TMEM156: variants seen among roughly 807,000 people sequenced by gnomAD.
TMEM156 encodes the protein transmembrane protein 156.
TMEM156 carries 28 observed loss-of-function variants against 30.5 expected under a neutral mutation model. The ratio of observed to expected loss-of-function variants is 0.92; its 90% CI spans 0.68 to 1.26. TMEM156 has a LOEUF of 1.26. Among genes scored for constraint, TMEM156 ranks in the 50% most tolerant of loss-of-function variants. The pLI is 0.00. For missense variants in TMEM156, 351 were observed against 340.6 expected (o/e 1.03, Z -0.24); for synonymous variants, 137 against 119.9 (o/e 1.14, Z -0.93).
At chr4:39,023,545 T>A (rs1715003701) in intron 1 of TMEM156, among the ~76,000 whole-genome samples, 1 of 152,086 alleles carries the variant, frequency 6.6e-6, no homozygotes, top group African/African-American at 2.4e-5. Context: ...ACATGCTAAG[T>A]AAAGAACCCA....
At chr4:39,026,350 T>TA (rs1457992723) in intron 1 of TMEM156, among the ~76,000 whole-genome samples, 1 of 114,538 alleles carries the variant, frequency 8.7e-6, no homozygotes, top group Non-Finnish European at 1.8e-5. Context: ...CCTGTCTCTC[T>TA]TAAAAAATTT....
At chr4:39,019,500 A>G (rs1714720546) in intron 1 of TMEM156, among the ~76,000 whole-genome samples, 1 of 151,154 alleles carries the variant, frequency 6.6e-6, no homozygotes, top group African/African-American at 2.4e-5. Context: ...ATCTCCCCAC[A>G]TATTTGTTTT....
intron 1 of TMEM156, among the ~76,000 whole-genome samples, chr4:39,000,268 T>C (rs1427063659): frequency 6.6e-6 from 1 of 152,120 alleles, no homozygotes; most frequent in African/African-American, 2.4e-5. Context: ...GGTGCACTCC[T>C]GTAGTCCTTA....
At chr4:38,985,284 A>T (rs1313123941) in intron 5 of TMEM156, among the ~76,000 whole-genome samples, 1 of 152,228 alleles carries the variant, frequency 6.6e-6, no homozygotes, top group Non-Finnish European at 1.5e-5. Context: ...CTTACCCCAC[A>T]TTTAACTGGT....
rs752923529 is a variant in TMEM156, at chr4:38,988,840, A to G, written c.739+11T>C. 3.7e-6 allele frequency: 6 copies of G among 1,613,960 alleles called. No homozygotes were observed. In the South Asian group the frequency reaches 6.6e-5, roughly 18 times the overall value. ...TCAGGAGTTCCTCGGCACTACAGGG[A>G]TTATACTTACTCTGCCACTTTTGCA... On this transcript the variant is annotated intron_variant, in intron 4 of 6. Coordinates refer to ENST00000381938, the MANE Select transcript of TMEM156 (RefSeq NM_024943.3).
Position 39,001,543 on chromosome 4 carries a change from T to TC in TMEM156, c.89-2635_89-2634insG, listed in dbSNP as rs1293688758. On this transcript the variant is annotated intron_variant, in intron 1 of 6. Coordinates refer to ENST00000381938, the MANE Select transcript of TMEM156 (RefSeq NM_024943.3). ...GCACAATGAAAGAATTACTTCTTCTTTTTTTTTTTTAATAATTACCCCTAC... is the reference window on the plus strand; with the variant it reads ...GCACAATGAAAGAATTACTTCTTCTTCTTTTTTTTTTAATAATTACCCCTAC... Among the ~76,000 whole-genome samples, 531 of 148,622 alleles carry TC rather than the reference T, an allele frequency of 3.6e-3. 5 individuals are homozygous for TC. The highest frequency in any genetic ancestry group is 0.013 in the African/African-American group (511 of 40,506).
At chr4:38,987,816 T>C (rs976132253) in intron 4 of TMEM156, among the ~76,000 whole-genome samples, 2 of 152,212 alleles carry the variant, frequency 1.3e-5, no homozygotes, top group African/African-American at 2.4e-5. Context: ...AGCTAGTAAG[T>C]GGTAGTACTA....
intron 2 of TMEM156, among the ~76,000 whole-genome samples, chr4:38,995,161 A>G (rs1381088129): frequency 6.6e-6 from 1 of 152,006 alleles, no homozygotes; most frequent in Non-Finnish European, 1.5e-5. Context: ...TCTGTGTCCA[A>G]ACTTCTCCTT....
chr4:38,989,007 A>T, intron 3 of TMEM156, 37 bp from the exon 4 acceptor site: 2 of 1,592,894 alleles, frequency 1.3e-6, no homozygotes, highest in South Asian at 2.2e-5. Flanking sequence ...ACCCAGTAAA[A>T]TTATTCAACA....
intron 1 of TMEM156, among the ~76,000 whole-genome samples, chr4:39,013,383 T>G (rs1714258862): frequency 1.1e-5 from 1 of 90,222 alleles, no homozygotes; most frequent in South Asian, 3.0e-4. Flanking sequence ...GTTTATTTAT[T>G]TATTTATTTA....
intron 2 of TMEM156, 150 bp from the exon 3 acceptor site, chr4:38,994,148 A>C: frequency 1.4e-6 from 1 of 731,812 alleles, no homozygotes; most frequent in Non-Finnish European, 2.2e-6. Flanking sequence ...TTTTTGAGAC[A>C]GGGTCTCACT....
chr4:39,012,743 C>T (rs1034788615), intron 1 of TMEM156, among the ~76,000 whole-genome samples: 1 of 152,028 alleles, frequency 6.6e-6, no homozygotes, highest in Non-Finnish European at 1.5e-5. Context: ...AGTTTGAGAC[C>T]AGCCTGGCTG....
At chr4:39,031,382 C>T (rs1262793036) in intron 1 of TMEM156, among the ~76,000 whole-genome samples, 1 of 152,142 alleles carries the variant, frequency 6.6e-6, no homozygotes, top group Non-Finnish European at 1.5e-5. Flanking sequence ...CCATTTTTCT[C>T]CAGTTACAAA....
At chr4:39,014,854 C>T (rs1209170898) in intron 1 of TMEM156, among the ~76,000 whole-genome samples, 1 of 150,140 alleles carries the variant, frequency 6.7e-6, no homozygotes, top group Non-Finnish European at 1.5e-5. Context: ...CTTTTTTATG[C>T]TTTGAAAAAA....
intron 2 of TMEM156, among the ~76,000 whole-genome samples, chr4:38,994,842 G>T (rs527295924): frequency 6.6e-6 from 1 of 152,144 alleles, no homozygotes; most frequent in African/African-American, 2.4e-5. Flanking sequence ...TAGCTACTTG[G>T]CAGGAGACTC....
At chr4:39,006,876 G>A (rs561291867) in intron 1 of TMEM156, among the ~76,000 whole-genome samples, 1 of 152,270 alleles carries the variant, frequency 6.6e-6, no homozygotes, top group Non-Finnish European at 1.5e-5. Flanking sequence ...CCAGGAGGTT[G>A]AGGCCGTGGT....
chr4:38,980,935 A>G, intron 5 of TMEM156: 1 of 985,368 alleles, frequency 1.0e-6, no homozygotes, highest in Non-Finnish European at 1.2e-6. Context: ...GCATTCAATG[A>G]ATGACTGGAA....
At chr4:38,991,614 C>G (rs1183304842) in intron 3 of TMEM156, among the ~76,000 whole-genome samples, 1 of 152,046 alleles carries the variant, frequency 6.6e-6, no homozygotes, top group Non-Finnish European at 1.5e-5. Context: ...TTTGTGGACA[C>G]CCAAAAGCTG....
intron 3 of TMEM156, among the ~76,000 whole-genome samples, chr4:38,990,771 T>TCCCACCA (rs1205419287): frequency 6.6e-6 from 1 of 151,192 alleles, no homozygotes; most frequent in African/African-American, 2.4e-5. Context: ...AGGCTTTTAC[T>TCCCACCA]CCCACCAAAG....
Sources: gnomAD v4.1 joint callset for allele counts (sites outside exome capture counted in the v4.1 genomes callset) on GRCh38, gnomAD v4.1.1 for gene constraint, MANE v1.5 for transcripts, NCBI Gene and HGNC (gene_info 2026-07-23, HGNC 2026-07-21) for gene names.